Variants in MOCOS observed in about 807,000 individuals in gnomAD.
The protein encoded by MOCOS is human molybdenum cofactor sulfurase.
A neutral mutation model predicts 83.6 loss-of-function variants in MOCOS; 86 were observed. The observed-to-expected ratio is 1.03, with a 90% CI of 0.86 to 1.23. MOCOS has a LOEUF of 1.23. Among genes scored for constraint, MOCOS ranks in the 50% most tolerant of loss-of-function variants. The pLI, the probability that MOCOS is intolerant of heterozygous loss-of-function variation, is 0.00. For missense variants in MOCOS, 1,120 were observed against 1,126.9 expected, an observed-to-expected ratio of 0.99 and a Z score of 0.09; for synonymous variants, 445 against 434.7, an observed-to-expected ratio of 1.02 and a Z score of -0.29.
chr18:36,214,244 C>CAAAAAAAAAAAAA (rs33965546), intron 7 of MOCOS, among the ~76,000 whole-genome samples: 2 of 91,386 alleles, frequency 2.2e-5, no homozygotes, highest in African/African-American at 4.5e-5. Flanking sequence ...AACTCAGTCT[C>CAAAAAAAAAAAAA]AAAAAAAAAA....
At chr18:36,235,813 G>C (rs1420061437) in intron 9 of MOCOS, among the ~76,000 whole-genome samples, 1 of 145,882 alleles carries the variant, frequency 6.9e-6, no homozygotes, top group East Asian at 2.0e-4. Context: ...ACTTTTTAAT[G>C]ATTGCCATTC....
intron 9 of MOCOS, among the ~76,000 whole-genome samples, chr18:36,233,738 G>A (rs1436784565): frequency 6.6e-6 from 1 of 152,164 alleles, no homozygotes; most frequent in East Asian, 1.9e-4. Flanking sequence ...TCTTGCAGGA[G>A]TAAGGTGGTA....
At position 36,215,827 on chromosome 18, in the gene MOCOS, T is replaced by G. The variant is rs1239967104; in HGVS notation, c.1647T>G (p.Asn549Lys). The G allele has an allele frequency of 6.2e-7, 1 of 1,614,234 alleles. No individual in the cohort carries two copies. Among genetic ancestry groups the G allele is most frequent in the Admixed American group, 1.7e-5 (1 of 60,028 alleles). ...SRVWNNSSTV[N>K]AVPVAPPVCD... ...TTTGGAACAACTCGTCTACTGTGAA[T>G]GCTGTGCCTGTGGCCCCACCTGTGT... is the stretch of plus-strand genomic sequence containing the variant. Residue 549 changes from asparagine to lysine, a missense_variant, in exon 8 of 15, where the codon AAT becomes AAG. By Grantham distance (94) the Asn-to-Lys change is moderately conservative. Coordinates refer to ENST00000261326, the MANE Select transcript of MOCOS (RefSeq NM_017947.4).
At chr18:36,246,449 T>G (rs564675333) in intron 9 of MOCOS, among the ~76,000 whole-genome samples, 1 of 152,354 alleles carries the variant, frequency 6.6e-6, no homozygotes, top group South Asian at 2.1e-4. Context: ...TGCTAAGAAC[T>G]GTCTGCAAAG....
At chr18:36,205,357 A>C in intron 6 of MOCOS, 81 bp downstream of exon 6, 1 of 1,439,600 alleles carries the variant, frequency 6.9e-7, no homozygotes, top group Non-Finnish European at 9.7e-7. Flanking sequence ...GACAAAGTCC[A>C]TGCACTGTTG....
At chr18:36,197,213 T>C (rs1232962478) in intron 2 of MOCOS, among the ~76,000 whole-genome samples, 1 of 152,042 alleles carries the variant, frequency 6.6e-6, no homozygotes, top group East Asian at 1.9e-4. Context: ...GCAGTGGTGG[T>C]GGGATCTGCA....
Position 36,266,784 on chromosome 18 carries a change from C to T in MOCOS, c.2445C>T (p.Cys815=). 6.2e-7 allele frequency: 1 copy of T among 1,614,088 alleles called. No homozygotes were observed. Among genetic ancestry groups the T allele is most frequent in the South Asian group, 1.1e-5 (1 of 91,078 alleles). Residue 815 remains cysteine, a synonymous_variant, in exon 14 of 15, where the codon TGC becomes TGT. Coordinates refer to ENST00000261326, the MANE Select transcript of MOCOS (RefSeq NM_017947.4). ...LGPCHRCQMI[C]IDQQTGQRNQ... ...CTTGTCACAGATGCCAGATGATTTG[C>T]ATCGACCAGCAAACTGGGCAACGAA...
intron 13 of MOCOS, among the ~76,000 whole-genome samples, chr18:36,262,250 T>TACACACACACACACACACACACACAC (rs71168212): frequency 0.093 from 11,853 of 127,772 alleles, 929 homozygotes; most frequent in East Asian, 0.13. Flanking sequence ...CGTCTCTCTC[T>TACACACACACACACACACACACACAC]ACACACACAC....
rs773690853 is a variant in MOCOS at position 36,218,017 on chromosome 18, A to C, written c.1798-2038A>C. ...CAACCCAAAGAACATCATCTCCATT[A>C]GTTTAGGATCTCACCATCTTGCAAA... On this transcript the variant is annotated intron_variant, in intron 8 of 14. Transcript: ENST00000261326. Among the ~76,000 whole-genome samples the C allele has an allele frequency of 3.1e-4, 47 of 152,278 alleles. 1 individual carries two copies. Among genetic ancestry groups the C allele is most frequent in the Non-Finnish European group, 5.6e-4 (38 of 68,010 alleles).
intron 1 of MOCOS, among the ~76,000 whole-genome samples, chr18:36,190,764 A>AC (rs1050318166): frequency 6.6e-6 from 1 of 151,922 alleles, no homozygotes. Flanking sequence ...AAACAAAAAA[A>AC]CAAAACAAAA....
intron 3 of MOCOS, 129 bp downstream of exon 3, chr18:36,198,885 C>A: frequency 3.2e-6 from 3 of 929,274 alleles, no homozygotes; most frequent in Non-Finnish European, 3.5e-6. Context: ...AAAGGCAATG[C>A]ATGTATGTTG....
chr18:36,266,995 A>G (rs1171641151), intron 14 of MOCOS, 142 bp downstream of exon 14: 1 of 718,232 alleles, frequency 1.4e-6, no homozygotes, highest in Non-Finnish European at 2.4e-6. Context: ...CCATTAACCT[A>G]TCCTTGTTTG....
intron 9 of MOCOS, among the ~76,000 whole-genome samples, chr18:36,246,903 C>A (rs2091604376): frequency 6.6e-6 from 1 of 152,144 alleles, no homozygotes; most frequent in Non-Finnish European, 1.5e-5. Context: ...AGGTAATGAA[C>A]AGGGCCATAG....
Position 36,239,894 on chromosome 18 carries a change from A to G in MOCOS, c.1961-9028A>G, listed in dbSNP as rs190692776. ...CTTCATTTCATTCATTTCATCTTCC[A>G]TTGCTGATACTCTTTCTTCCAGTTG... On this transcript the variant is annotated intron_variant, in intron 9 of 14. Transcript: ENST00000261326. Among the ~76,000 whole-genome samples the G allele has an allele frequency of 1.8e-3, 267 of 151,734 alleles. 1 individual carries two copies. Among genetic ancestry groups the G allele is most frequent in the African/African-American group, 6.2e-3 (256 of 41,336 alleles).
At chr18:36,268,427 C>A in intron 14 of MOCOS, 106 bp from the exon 15 acceptor site, 2 of 1,414,934 alleles carry the variant, frequency 1.4e-6, no homozygotes, top group Non-Finnish European at 2.0e-6. Context: ...CAGTATATGT[C>A]TTTAAAAATC....
rs1219799410 is a variant in MOCOS at position 36,200,166 on chromosome 18, C to T, written c.783C>T (p.Ser261=). Residue 261 remains serine (S), a synonymous_variant, in exon 4 of 15, where the codon TCC becomes TCT. Transcript: ENST00000261326. ...SAHQADFVPI[S]FYKIFGFPTG... The stretch of plus-strand genomic sequence containing the variant: ...ACCAGGCCGACTTTGTCCCCATCTC[C>T]TTCTATAAGATCTTCGGGTTTCCTA... The T allele has an allele frequency of 4.3e-6, 7 of 1,614,238 alleles. No individual in the cohort carries two copies. The highest frequency in any genetic ancestry group is 5.9e-6 in the Non-Finnish European group (7 of 1,180,050).
intron 12 of MOCOS, 51 bp from the exon 13 acceptor site, chr18:36,259,986 C>CAATT: frequency 1.2e-6 from 2 of 1,607,696 alleles, no homozygotes; most frequent in Non-Finnish European, 1.7e-6. Context: ...TATAGTGGTA[C>CAATT]AATTATCTGC....
intron 11 of MOCOS, among the ~76,000 whole-genome samples, chr18:36,253,331 A>C (rs1238056799): frequency 6.6e-6 from 1 of 152,210 alleles, no homozygotes; most frequent in Non-Finnish European, 1.5e-5. Flanking sequence ...AATGAGTCAC[A>C]GAGGGCTTCA....
intron 13 of MOCOS, 53 bp downstream of exon 13, chr18:36,260,228 G>A: frequency 6.2e-7 from 1 of 1,611,898 alleles, no homozygotes; most frequent in African/African-American, 1.3e-5. Context: ...AATGAAGATT[G>A]ACCTCAATCC....
Sources: gnomAD v4.1 joint callset for allele counts (sites outside exome capture counted in the v4.1 genomes callset) on GRCh38, gnomAD v4.1.1 for gene constraint, MANE v1.5 for transcripts, NCBI Gene and HGNC (gene_info 2026-07-23, HGNC 2026-07-21) for gene names.